The following EPHA3 variants were observed in gnomAD, a reference collection of about 807,000 sequenced individuals.
EPHA3 encodes ephrin type-A receptor 3.
In EPHA3, 42 loss-of-function variants were observed where a neutral mutation model predicts 107.1. The observed-to-expected ratio is 0.39, with a 90% CI of 0.31 to 0.51. The LOEUF (loss-of-function observed/expected upper bound fraction) is 0.51, where lower values mean the gene tolerates loss of function less well. Among genes scored for constraint, EPHA3 ranks in the 20% least tolerant of loss-of-function variants. EPHA3 has a pLI of 0.78. For missense variants in EPHA3, 1,183 were observed against 1,211.2 expected (o/e 0.98, Z 0.35); for synonymous variants, 461 against 424.8 (o/e 1.09, Z -1.05).
At chr3:89,398,393 G>T (rs1279745742) in intron 6 of EPHA3, among the ~76,000 whole-genome samples, 1 of 152,174 alleles carries the variant, frequency 6.6e-6, no homozygotes, top group Non-Finnish European at 1.5e-5. Flanking sequence ...AATGTGTCGT[G>T]TGAATCTAAT....
intron 3 of EPHA3, among the ~76,000 whole-genome samples, chr3:89,311,730 A>C (rs1350489388): frequency 6.6e-6 from 1 of 152,012 alleles, no homozygotes; most frequent in East Asian, 1.9e-4. Context: ...CCAGCTCTGG[A>C]ATTGTTTATT....
At chr3:89,415,731 C>G (rs1709234594) in intron 10 of EPHA3, among the ~76,000 whole-genome samples, 2 of 151,122 alleles carry the variant, frequency 1.3e-5, no homozygotes, top group African/African-American at 4.8e-5. Context: ...CTAAAAATTT[C>G]TGAAGAAAGT....
At chr3:89,162,595 T>C (rs544274766) in intron 2 of EPHA3, among the ~76,000 whole-genome samples, 1 of 152,142 alleles carries the variant, frequency 6.6e-6, no homozygotes, top group South Asian at 2.1e-4. Flanking sequence ...GCATTTTGTA[T>C]GCTGAATGTT....
At chr3:89,396,822 A>G (rs1372979002) in intron 6 of EPHA3, among the ~76,000 whole-genome samples, 3 of 152,232 alleles carry the variant, frequency 2.0e-5, no homozygotes, top group African/African-American at 7.2e-5. Context: ...TTTACAGAAC[A>G]TTTCTGTGGA....
intron 2 of EPHA3, among the ~76,000 whole-genome samples, chr3:89,209,310 A>G (rs1024960722): frequency 3.3e-5 from 5 of 151,444 alleles, no homozygotes; most frequent in African/African-American, 1.2e-4. Context: ...TTTACTTCAA[A>G]TTTTTTTTTC....
intron 3 of EPHA3, among the ~76,000 whole-genome samples, chr3:89,308,260 T>G (rs1320182136): frequency 1.3e-5 from 2 of 152,144 alleles, no homozygotes; most frequent in Non-Finnish European, 2.9e-5. Flanking sequence ...TAACTGTGTA[T>G]AAGTAAAGCT....
chr3:89,115,083 T>C (rs1707220815), intron 1 of EPHA3, among the ~76,000 whole-genome samples: 1 of 152,150 alleles, frequency 6.6e-6, no homozygotes, highest in Non-Finnish European at 1.5e-5. Context: ...CGCTGCCGGA[T>C]TGAGAAAGCA....
intron 16 of EPHA3, among the ~76,000 whole-genome samples, chr3:89,478,092 T>C (rs919008238): frequency 2.0e-5 from 3 of 152,204 alleles, no homozygotes; most frequent in Non-Finnish European, 2.9e-5. Context: ...ATATATGAAC[T>C]AATTACTTGA....
chr3:89,360,048 T>C (rs1215552364), intron 5 of EPHA3, among the ~76,000 whole-genome samples: 4 of 150,142 alleles, frequency 2.7e-5, no homozygotes, highest in Admixed American at 6.7e-5. Context: ...AGTTTGCCAG[T>C]CCTATTTATC....
At chr3:89,409,493 AT>A (rs959558955) in intron 9 of EPHA3, among the ~76,000 whole-genome samples, 6 of 151,808 alleles carry the variant, frequency 4.0e-5, no homozygotes, top group African/African-American at 1.5e-4. Context: ...GCTTTGGTAA[AT>A]TTCTGTGTGC....
At chr3:89,450,542 C>A (rs547007319) in intron 15 of EPHA3, among the ~76,000 whole-genome samples, 172 bp downstream of exon 15, 11 of 152,222 alleles carry the variant, frequency 7.2e-5, no homozygotes, top group Admixed American at 2.6e-4. Flanking sequence ...TAATTCTCGT[C>A]CTCCTTAATA....
At chr3:89,151,195 G>T (rs1704683877) in intron 2 of EPHA3, among the ~76,000 whole-genome samples, 1 of 152,054 alleles carries the variant, frequency 6.6e-6, no homozygotes, top group Non-Finnish European at 1.5e-5. Flanking sequence ...AAAGCCATGT[G>T]TGTCTAATAG....
At chr3:89,321,686 A>G (rs1044751778) in intron 3 of EPHA3, among the ~76,000 whole-genome samples, 1 of 152,134 alleles carries the variant, frequency 6.6e-6, no homozygotes, top group Non-Finnish European at 1.5e-5. Flanking sequence ...GCATATTTAG[A>G]ATTATAAATA....
At chr3:89,213,575 G>T (rs963656788) in intron 3 of EPHA3, among the ~76,000 whole-genome samples, 8 of 151,970 alleles carry the variant, frequency 5.3e-5, no homozygotes, top group Non-Finnish European at 1.0e-4. Context: ...ATAACGAATA[G>T]ATGATGAAGT....
intron 3 of EPHA3, among the ~76,000 whole-genome samples, chr3:89,322,135 A>G (rs1263247307): frequency 6.6e-6 from 1 of 150,386 alleles, no homozygotes; most frequent in African/African-American, 2.4e-5. Flanking sequence ...GGGGGGTTGG[A>G]GAGAGAGAGA....
chr3:89,421,316 T>TA (rs570107459), intron 11 of EPHA3, among the ~76,000 whole-genome samples: 48 of 150,684 alleles, frequency 3.2e-4, no homozygotes, highest in African/African-American at 1.0e-3. Context: ...GTTGAAAAAT[T>TA]AAAAAAAATA....
intron 2 of EPHA3, among the ~76,000 whole-genome samples, chr3:89,178,162 TC>T (rs1449318739): frequency 1.3e-5 from 2 of 152,108 alleles, no homozygotes; most frequent in Non-Finnish European, 2.9e-5. Flanking sequence ...AAGGTGCAGT[TC>T]CCCTGGCATG....
At chr3:89,325,602 C>G (rs1212215236) in intron 3 of EPHA3, among the ~76,000 whole-genome samples, 1 of 152,048 alleles carries the variant, frequency 6.6e-6, no homozygotes, top group Non-Finnish European at 1.5e-5. Flanking sequence ...TTTTCTTTAC[C>G]TTTCATTTAC....
At chr3:89,172,201 C>T (rs1705227239) in intron 2 of EPHA3, among the ~76,000 whole-genome samples, 1 of 152,126 alleles carries the variant, frequency 6.6e-6, no homozygotes, top group South Asian at 2.1e-4. Flanking sequence ...TTGTTGTGAA[C>T]ATTGTGAGTT....
Sources: allele counts gnomAD v4.1 joint callset (sites outside exome capture counted in the v4.1 genomes callset), GRCh38; gene constraint gnomAD v4.1.1; transcripts MANE v1.5; gene names NCBI Gene and HGNC (gene_info 2026-07-23, HGNC 2026-07-21).